Variants in HSBP1 observed in about 807,000 individuals in gnomAD.
HSBP1 encodes heat shock factor binding protein 1.
A neutral mutation model predicts 9.6 loss-of-function variants in HSBP1; 5 were observed. The observed-to-expected ratio is 0.52, with a 90% CI of 0.27 to 1.09. HSBP1 has a LOEUF of 1.09. HSBP1 is among the 50% of genes least tolerant of loss of function. The pLI is 0.11. For synonymous variants in HSBP1, 42 were observed against 33.3 expected (o/e 1.26, Z -0.90); for missense variants, 121 against 96.3 (o/e 1.26, Z -1.07).
Position 83,819,042 on chromosome 16 carries a change from C to T in HSBP1, c.*7624C>T, listed in dbSNP as rs1904782006. The T allele has an allele frequency of 6.6e-6, 1 of 151,846 alleles. No homozygotes were observed. The highest frequency in any genetic ancestry group is 1.5e-5 in the Non-Finnish European group (1 of 67,980). 9.4% of individuals were successfully genotyped at this position (151,846 alleles called of 1,614,324 possible). A position where few individuals can be genotyped will look rare whatever the true frequency, so the allele number is the denominator to read the frequency against. ...TCCAGCAGCCTGGGTTTTAACACAT[C>T]CTCCAGGCGATTCTGAGAGTGAGAG... On this transcript the variant is annotated 3_prime_UTR_variant, in exon 4 of 4. Transcript: ENST00000433866.
rs1306190810 is a variant in HSBP1, at chr16:83,814,721, G to A, written c.*3303G>A. 1.3e-5 allele frequency: 2 copies of A among 152,196 alleles called. No homozygotes were observed. The highest frequency in any genetic ancestry group is 2.9e-5 in the Non-Finnish European group (2 of 68,036). The allele number at this position is 152,196 out of a possible 1,614,324, so 9.4% of individuals were successfully genotyped here. ...ACACACTGGATGTGAGTTTTTATTT[G>A]GAATTTAAACTATTCAGAGCTGGTA... On this transcript the variant is annotated 3_prime_UTR_variant, in exon 4 of 4. Coordinates refer to ENST00000433866, the MANE Select transcript of HSBP1 (RefSeq NM_001537.4).
At chr16:83,808,911 G>A (rs1477915250) in intron 2 of HSBP1, among the ~76,000 whole-genome samples, 165 bp downstream of exon 2, 1 of 152,146 alleles carries the variant, frequency 6.6e-6, no homozygotes, top group Admixed American at 6.5e-5. Flanking sequence ...CGAGAGCTAG[G>A]GGCAAAGCTG....
At position 83,814,449 on chromosome 16, in the gene HSBP1, A is replaced by G. The variant is rs529241885; in HGVS notation, c.*3031A>G. 2 of 151,194 alleles carry G rather than the reference A, an allele frequency of 1.3e-5. No homozygotes were observed. Among genetic ancestry groups the G allele is most frequent in the Non-Finnish European group, 2.9e-5 (2 of 67,976 alleles). The allele number at this position is 151,194 out of a possible 1,614,324, so 9.4% of individuals were successfully genotyped here. A position where few individuals can be genotyped will look rare whatever the true frequency, so the allele number is the denominator to read the frequency against. On this transcript the variant is annotated 3_prime_UTR_variant, in exon 4 of 4. Transcript: ENST00000433866. ...AGCTGCACACCTGCACCGCTCACAAACACAGCTGACCGTCTCACAGCTGCA... is the reference window on the plus strand; with the variant it reads ...AGCTGCACACCTGCACCGCTCACAAGCACAGCTGACCGTCTCACAGCTGCA...
In HSBP1 at chr16:83,815,912, C is replaced by G. The variant is rs899451400; in HGVS notation, c.*4494C>G. The G allele has an allele frequency of 2.0e-5, 3 of 152,162 alleles. No individual in the cohort carries two copies. The highest frequency in any genetic ancestry group is 7.2e-5 in the African/African-American group (3 of 41,434). 9.4% of individuals were successfully genotyped at this position (152,162 alleles called of 1,614,324 possible). ...GTTGGTCTTGCAAAATGTCCACCTT[C>G]CAAAAGAGAACAGTATTGCTTCCCA... On this transcript the variant is annotated 3_prime_UTR_variant, in exon 4 of 4. Transcript: ENST00000433866.
Position 83,813,196 on chromosome 16 carries a change from G to A in HSBP1, c.*1778G>A, listed in dbSNP as rs1904641120. 6.6e-6 allele frequency: 1 copy of A among 152,306 alleles called. No individual in the cohort carries two copies. The highest frequency in any genetic ancestry group is 2.4e-5 in the African/African-American group (1 of 41,452). The allele number at this position is 152,306 out of a possible 1,614,324, so 9.4% of individuals were successfully genotyped here. On this transcript the variant is annotated 3_prime_UTR_variant, in exon 4 of 4. Transcript: ENST00000433866. ...GCTTGCCAAGACTGGCATTGCAGGA[G>A]ACTTGTCTCAGGTGTGTTCCCAGAA...
chr16:83,816,223 A>T lies in HSBP1; in HGVS notation c.*4805A>T, dbSNP rs1162676122. 2.0e-5 allele frequency: 3 copies of T among 151,940 alleles called. No homozygotes were observed. Among genetic ancestry groups the T allele is most frequent in the Admixed American group, 6.6e-5 (1 of 15,250 alleles). The allele number at this position is 151,940 out of a possible 1,614,324, so 9.4% of individuals were successfully genotyped here. A position where few individuals can be genotyped will look rare whatever the true frequency, so the allele number is the denominator to read the frequency against. The stretch of plus-strand genomic sequence containing the variant: ...AAACCAGCCTGGCCAACATGGCGAA[A>T]CCCCCGTCTCTACTAAAAATACAAA... On this transcript the variant is annotated 3_prime_UTR_variant, in exon 4 of 4. Coordinates refer to ENST00000433866, the MANE Select transcript of HSBP1 (RefSeq NM_001537.4).
Position 83,808,718 on chromosome 16 carries a change from G to C in HSBP1, c.84G>C (p.Gln28His). ...TLLQQMQDKFQTMSDQIIGRI... is the reference protein window; with the variant it reads ...TLLQQMQDKFHTMSDQIIGRI... ...TGCAGCAGATGCAAGATAAATTTCA[G>C]ACCATGTCTGACCAGATCATTGGGA... is the stretch of plus-strand genomic sequence containing the variant. The change falls in exon 2 of 4, where the codon CAG (glutamine) becomes CAC (histidine). Residue 28 changes from glutamine to histidine, a missense_variant. By Grantham distance (24) the Gln-to-His change is conservative (BLOSUM62 0). Transcript: ENST00000433866. The C allele has an allele frequency of 1.2e-6, 2 of 1,612,318 alleles. No homozygotes were observed. Among genetic ancestry groups the C allele is most frequent in the Non-Finnish European group, 1.7e-6 (2 of 1,178,628 alleles).
At chr16:83,808,220 C>A (rs548483884) in intron 1 of HSBP1, 99 bp downstream of exon 1, 2 of 1,054,792 alleles carry the variant, frequency 1.9e-6, no homozygotes, top group Non-Finnish European at 1.3e-6. Flanking sequence ...CCGCGCGTGG[C>A]GTCTGCCGAG....
chr16:83,808,789 G>C (rs372493736), intron 2 of HSBP1, 43 bp downstream of exon 2: 1 of 1,464,952 alleles, frequency 6.8e-7, no homozygotes, highest in African/African-American at 1.4e-5. Context: ...GGCCTTTGGA[G>C]CCTATTTGCC....
rs994635345 is a variant in HSBP1, at chr16:83,819,429, C to T, written c.*8011C>T. On this transcript the variant is annotated 3_prime_UTR_variant, in exon 4 of 4. Coordinates refer to ENST00000433866, the MANE Select transcript of HSBP1 (RefSeq NM_001537.4). The stretch of plus-strand genomic sequence containing the variant: ...GATTCTTAATTACCCAGAACGTCCA[C>T]GCTCTAGGACCTAGTGTGACCTCTT... 6 of 152,112 alleles carry T rather than the reference C, an allele frequency of 3.9e-5. No individual in the cohort carries two copies. Among genetic ancestry groups the T allele is most frequent in the Non-Finnish European group, 7.3e-5 (5 of 68,040 alleles). 9.4% of individuals were successfully genotyped at this position (152,112 alleles called of 1,614,324 possible).
rs1327447020 is a variant in HSBP1 at position 83,809,349 on chromosome 16, G to A, written c.157G>A (p.Ala53Thr). The part of the protein sequence containing the change: ...SRIDDLEKNI[A>T]DLMTQAGVEE... ...CATTGATGATCTGGAAAAGAATATC[G>A]CGGACCTCATGACACAGGCTGGGGT... Residue 53 changes from alanine to threonine, a missense_variant, in exon 3 of 4, where the codon GCG becomes ACG. Transcript: ENST00000433866. The A allele has an allele frequency of 1.2e-6, 2 of 1,603,646 alleles. No individual in the cohort carries two copies. Among genetic ancestry groups the A allele is most frequent in the East Asian group, 2.2e-5 (1 of 44,586 alleles).
chr16:83,819,321 C>T lies in HSBP1; in HGVS notation c.*7903C>T, dbSNP rs1225329011. ...TTATTTCCCATACACAAAAACACTGCGTAGAGAAATGGGAGTGTGGGCGAT... is the reference window on the plus strand; with the variant it reads ...TTATTTCCCATACACAAAAACACTGTGTAGAGAAATGGGAGTGTGGGCGAT... On this transcript the variant is annotated 3_prime_UTR_variant, in exon 4 of 4. Transcript: ENST00000433866. 6.6e-6 allele frequency: 1 copy of T among 152,064 alleles called. No homozygotes were observed. The highest frequency in any genetic ancestry group is 2.1e-4 in the South Asian group (1 of 4,828). The allele number at this position is 152,064 out of a possible 1,614,324, so 9.4% of individuals were successfully genotyped here.
In HSBP1 at chr16:83,808,011, C is replaced by G; in HGVS notation, c.-66C>G. 2.8e-6 allele frequency: 4 copies of G among 1,409,432 alleles called. No homozygotes were observed. Among genetic ancestry groups the G allele is most frequent in the Non-Finnish European group, 1.9e-6 (2 of 1,046,636 alleles). 87.3% of individuals were successfully genotyped at this position (1,409,432 alleles called of 1,614,324 possible). Reference sequence around the variant, plus strand: ...CGCGAGAAGCAGCGGCCCGGGGCGACTGAGCGGACAAACGGAAGTGTAGGT... The same window carrying G: ...CGCGAGAAGCAGCGGCCCGGGGCGAGTGAGCGGACAAACGGAAGTGTAGGT... On this transcript the variant is annotated 5_prime_UTR_variant, in exon 1 of 4. Transcript: ENST00000433866.
intron 3 of HSBP1, among the ~76,000 whole-genome samples, chr16:83,811,031 T>C (rs1213252467): frequency 2.6e-5 from 4 of 152,228 alleles, no homozygotes; most frequent in Non-Finnish European, 5.9e-5. Flanking sequence ...ATCACATAAC[T>C]GCTTTCTATG....
intron 3 of HSBP1, among the ~76,000 whole-genome samples, chr16:83,809,635 A>G (rs1904554149): frequency 6.6e-6 from 1 of 151,486 alleles, no homozygotes; most frequent in East Asian, 1.9e-4. Context: ...ACACCCAGCC[A>G]ATTTTGTATT....
Position 83,808,056 on chromosome 16 carries a change from G to A in HSBP1, c.-21G>A. On this transcript the variant is annotated 5_prime_UTR_variant, in exon 1 of 4. Coordinates refer to ENST00000433866, the MANE Select transcript of HSBP1 (RefSeq NM_001537.4). ...GTAGGTTACGGTCTGAGACATCACC[G>A]CCAAGCTGGGCATCGGGGAGATGGC... The A allele has an allele frequency of 2.6e-6, 4 of 1,540,106 alleles. No homozygotes were observed. Among genetic ancestry groups the A allele is most frequent in the Non-Finnish European group, 2.6e-6 (3 of 1,141,668 alleles).
intron 2 of HSBP1, chr16:83,809,041 A>G (rs978253396): frequency 1.8e-6 from 1 of 546,996 alleles, no homozygotes; most frequent in Non-Finnish European, 3.2e-6. Context: ...TGACCTTATG[A>G]GTGGGTTGTA....
Position 83,808,676 on chromosome 16 carries a change from T to G in HSBP1, c.46-4T>G. On this transcript the variant is annotated splice_polypyrimidine_tract_variant and splice_region_variant and intron_variant, in intron 1 of 3. Transcript: ENST00000433866. ...CCGTGTTTGTTTGTTTCGGTTTTTC[T>G]TAGGTGCAGACACTCCTGCAGCAGA... is the stretch of plus-strand genomic sequence containing the variant. The G allele has an allele frequency of 1.2e-6, 2 of 1,609,582 alleles. No homozygotes were observed. The highest frequency in any genetic ancestry group is 1.7e-6 in the Non-Finnish European group (2 of 1,176,626).
rs1181914342 is a variant in HSBP1 at position 83,819,691 on chromosome 16, T to C, written c.*8273T>C. 1 of 152,246 alleles carries C rather than the reference T, an allele frequency of 6.6e-6. No individual in the cohort carries two copies. The highest frequency in any genetic ancestry group is 1.9e-4 in the East Asian group (1 of 5,204). The allele number at this position is 152,246 out of a possible 1,614,324, so 9.4% of individuals were successfully genotyped here. A position where few individuals can be genotyped will look rare whatever the true frequency, so the allele number is the denominator to read the frequency against. On this transcript the variant is annotated 3_prime_UTR_variant, in exon 4 of 4. Transcript: ENST00000433866. ...CATAGTAAATATTTTACCAGAAGGA[T>C]AAGTTATTCAGTATGGAGATTATTT...
Sources: allele counts gnomAD v4.1 joint callset (sites outside exome capture counted in the v4.1 genomes callset), GRCh38; gene constraint gnomAD v4.1.1; transcripts MANE v1.5; gene names NCBI Gene and HGNC (gene_info 2026-07-23, HGNC 2026-07-21).